The following PRKN variants were observed in gnomAD, a reference collection of about 807,000 sequenced individuals.
PRKN encodes the protein E3 ubiquitin-protein ligase parkin.
PRKN carries 56 observed loss-of-function variants against 59.5 expected under a neutral mutation model. That is an observed-to-expected ratio of 0.94 (90% CI 0.76 to 1.18). PRKN has a LOEUF of 1.18. Among genes scored for constraint, PRKN ranks in the 50% most tolerant of loss-of-function variants. The probability of loss-of-function intolerance (pLI) is 0.00; values close to 1 mark genes in which losing one functional copy is unlikely to be tolerated. For synonymous variants in PRKN, 250 were observed against 222.1 expected (o/e 1.13, Z -1.12); for missense variants, 657 against 596.4 (o/e 1.10, Z -1.06).
At chr6:161,917,878 G>A (rs886792030) in intron 6 of PRKN, among the ~76,000 whole-genome samples, 3 of 152,202 alleles carry the variant, frequency 2.0e-5, no homozygotes, top group Non-Finnish European at 4.4e-5. Context: ...TGCAGGCTTC[G>A]CTGATCATGT....
intron 2 of PRKN, among the ~76,000 whole-genome samples, chr6:162,356,894 A>G (rs576990959): frequency 5.3e-5 from 8 of 152,278 alleles, no homozygotes; most frequent in African/African-American, 1.7e-4. Flanking sequence ...TTTTCAAAAA[A>G]TGATGCTGGA....
chr6:161,880,568 A>G (rs1408142816), intron 6 of PRKN, among the ~76,000 whole-genome samples: 1 of 152,190 alleles, frequency 6.6e-6, no homozygotes, highest in Non-Finnish European at 1.5e-5. Context: ...GTGCGGTCAC[A>G]GCCACCCTGC....
At chr6:162,228,544 G>A (rs1356121743) in intron 3 of PRKN, among the ~76,000 whole-genome samples, 2 of 152,098 alleles carry the variant, frequency 1.3e-5, no homozygotes, top group Non-Finnish European at 2.9e-5. Context: ...AAGAAATTTA[G>A]GGGAAAAAGT....
intron 2 of PRKN, among the ~76,000 whole-genome samples, chr6:162,302,512 C>T (rs146683124): frequency 3.9e-5 from 6 of 152,192 alleles, no homozygotes; most frequent in Non-Finnish European, 5.9e-5. Flanking sequence ...CACTGTGGCA[C>T]GGAATGCAGG....
intron 9 of PRKN, among the ~76,000 whole-genome samples, chr6:161,504,815 A>G (rs1043523507): frequency 2.7e-5 from 4 of 150,800 alleles, no homozygotes; most frequent in East Asian, 2.0e-4. Context: ...GAGAATGATG[A>G]TTTCCAATTT....
intron 2 of PRKN, among the ~76,000 whole-genome samples, chr6:162,395,951 C>T (rs1166086974): frequency 2.6e-5 from 4 of 152,172 alleles, no homozygotes; most frequent in Admixed American, 6.5e-5. Flanking sequence ...CTGTGCTGTA[C>T]CCAATGCACC....
At chr6:162,484,855 T>A (rs1792471405) in intron 1 of PRKN, among the ~76,000 whole-genome samples, 1 of 152,236 alleles carries the variant, frequency 6.6e-6, no homozygotes, top group Admixed American at 6.5e-5. Flanking sequence ...GGCCCTTTTA[T>A]CACTTACATT....
At chr6:161,424,789 T>A (rs1222103524) in intron 9 of PRKN, among the ~76,000 whole-genome samples, 1 of 152,120 alleles carries the variant, frequency 6.6e-6, no homozygotes, top group Non-Finnish European at 1.5e-5. Context: ...AATTAACTCA[T>A]CTAGGAATGC....
At position 162,164,346 on chromosome 6, in the gene PRKN, C is replaced by A. The variant is rs115028941; in HGVS notation, c.534+36785G>T. ...GCCTCAGCCTCCTGAGTAGCTGGGA[C>A]TACAGGTCTGCGCTACCATGCCCGG... On this transcript the variant is annotated intron_variant, in intron 4 of 11. Transcript: ENST00000366898. Among the ~76,000 whole-genome samples the A allele has an allele frequency of 4.9e-3, 734 of 148,638 alleles. 80 individuals carry two copies. The highest frequency in any genetic ancestry group is 0.017 in the African/African-American group (690 of 39,444).
intron 2 of PRKN, among the ~76,000 whole-genome samples, chr6:162,356,431 C>T (rs1022036577): frequency 4.0e-5 from 6 of 151,788 alleles, no homozygotes; most frequent in Non-Finnish European, 7.4e-5. Context: ...GTTTACACCA[C>T]GATAAGAGAC....
intron 2 of PRKN, among the ~76,000 whole-genome samples, chr6:162,279,397 A>C (rs1239164844): frequency 6.6e-6 from 1 of 150,900 alleles, no homozygotes; most frequent in Non-Finnish European, 1.5e-5. Context: ...GAAAGAAAGA[A>C]AGACAGAAAA....
At chr6:161,691,908 G>A (rs893261325) in intron 7 of PRKN, among the ~76,000 whole-genome samples, 15 of 151,176 alleles carry the variant, frequency 9.9e-5, no homozygotes, top group Non-Finnish European at 1.8e-4. Context: ...AAGACTTAGC[G>A]AGTGGGCAAA....
chr6:162,674,908 CAG>C (rs1174368725), intron 1 of PRKN, among the ~76,000 whole-genome samples: 11 of 152,114 alleles, frequency 7.2e-5, no homozygotes, highest in African/African-American at 2.7e-4. Context: ...AATTAGCACA[CAG>C]GAAAGTCAAA....
rs187153057 is a variant in PRKN at position 162,387,219 on chromosome 6, C to T, written c.171+56091G>A. ...GAATTGAAAATCCAGTAATTACACA[C>T]TAAGAAAAAATAAGCAAAAAAAAAA... On this transcript the variant is annotated intron_variant, in intron 2 of 11. Transcript: ENST00000366898. Among the ~76,000 whole-genome samples, 5 of 116,428 alleles carry T rather than the reference C, an allele frequency of 4.3e-5. No homozygotes were observed. The East Asian group carries it at 9.8e-4, about 23-fold the overall frequency. 76.4% of individuals were successfully genotyped at this position (116,428 alleles called of 152,430 possible). A position where few individuals can be genotyped will look rare whatever the true frequency, so the allele number is the denominator to read the frequency against.
intron 4 of PRKN, among the ~76,000 whole-genome samples, chr6:162,161,207 A>G (rs1405961203): frequency 6.6e-6 from 1 of 152,198 alleles, no homozygotes; most frequent in Non-Finnish European, 1.5e-5. Flanking sequence ...TGACCACGTG[A>G]GCATTCTAGG....
Position 161,496,481 on chromosome 6 carries a change from C to T in PRKN, c.1083+52373G>A, listed in dbSNP as rs541130748. Among the ~76,000 whole-genome samples the T allele has an allele frequency of 7.9e-5, 12 of 152,290 alleles. No individual in the cohort carries two copies. In the South Asian group the frequency reaches 2.3e-3, roughly 29 times the overall value. ...GGCTGGGGAGGCCTCACAATCATGG[C>T]GGAAGGCCAATGAGGAGCAAAGGCA... On this transcript the variant is annotated intron_variant, in intron 9 of 11. Coordinates refer to ENST00000366898, the MANE Select transcript of PRKN (RefSeq NM_004562.3).
rs1020548709 is a variant in PRKN at position 161,390,053 on chromosome 6, C to T, written c.1084-3176G>A. Among the ~76,000 whole-genome samples the T allele has an allele frequency of 6.6e-6, 1 of 152,210 alleles. No homozygotes were observed. The highest frequency in any genetic ancestry group is 6.5e-5 in the Admixed American group (1 of 15,282). ...TGATGACTTCACAGGGAGGCACTGGCTAATTTGCTTCTATTCAAAGTATAA... is the reference window on the plus strand; with the variant it reads ...TGATGACTTCACAGGGAGGCACTGGTTAATTTGCTTCTATTCAAAGTATAA... On this transcript the variant is annotated intron_variant, in intron 9 of 11. Coordinates refer to ENST00000366898, the MANE Select transcript of PRKN (RefSeq NM_004562.3). The surrounding 1 kb of genome is among the most constrained non-coding windows in gnomAD (Gnocchi z 7.0).
chr6:161,650,405 C>T (rs1412149154), intron 7 of PRKN, among the ~76,000 whole-genome samples: 1 of 152,012 alleles, frequency 6.6e-6, no homozygotes, highest in Admixed American at 6.5e-5. Flanking sequence ...ATGGTATTTC[C>T]TTGTGTTTTA....
chr6:161,454,469 T>A lies in PRKN; in HGVS notation c.1084-67592A>T, dbSNP rs987960584. On this transcript the variant is annotated intron_variant, in intron 9 of 11. Transcript: ENST00000366898. This position sits in a 1 kb window ranked among gnomAD's most constrained non-coding sequence, Gnocchi z 4.6. Reference sequence around the variant, plus strand: ...GGCAGGAGGAACAGCAGTTCATTCGTGGTCTTGAGTCCAGGTTCCAGGTTC... The same window carrying A: ...GGCAGGAGGAACAGCAGTTCATTCGAGGTCTTGAGTCCAGGTTCCAGGTTC... 1.3e-5 allele frequency among the ~76,000 whole-genome samples: 2 copies of A among 152,206 alleles called. No individual in the cohort carries two copies. The highest frequency in any genetic ancestry group is 4.8e-5 in the African/African-American group (2 of 41,462).
Sources: allele counts gnomAD v4.1 joint callset (sites outside exome capture counted in the v4.1 genomes callset), GRCh38; gene constraint gnomAD v4.1.1; non-coding constraint Gnocchi (gnomAD v3.1); transcripts MANE v1.5; gene names NCBI Gene and HGNC (gene_info 2026-07-23, HGNC 2026-07-21).